RRAS2: variants seen among roughly 807,000 people sequenced by gnomAD.
RRAS2 encodes the protein ras-related protein R-Ras2.
RRAS2 carries 7 observed loss-of-function variants against 27.6 expected under a neutral mutation model. The ratio of observed to expected loss-of-function variants is 0.25; its 90% confidence interval spans 0.14 to 0.48. The LOEUF is 0.48. RRAS2 is among the 20% of genes least tolerant of loss of function. The pLI, the probability that RRAS2 is intolerant of heterozygous loss-of-function variation, is 0.99. For synonymous variants in RRAS2, 86 were observed against 90.9 expected (o/e 0.95, Z 0.31); for missense variants, 178 against 256.2 (o/e 0.69, Z 2.08).
chr11:14,343,651 C>T lies in RRAS2; in HGVS notation c.108+15112G>A, dbSNP rs562396581. On this transcript the variant is annotated intron_variant, in intron 1 of 5. Transcript: ENST00000256196. ...TTTGACAACAGCCTGGGCAGCACGG[C>T]GAAACCCCGTCTCTACCAAAAAAAA... Among the ~76,000 whole-genome samples the T allele has an allele frequency of 1.5e-4, 23 of 152,046 alleles. No individual in the cohort carries two copies. In the South Asian group the frequency reaches 4.0e-3, roughly 26 times the overall value.
At chr11:14,302,073 T>TACACACACGCACAC (rs1847723699) in intron 1 of RRAS2, among the ~76,000 whole-genome samples, 1 of 142,362 alleles carries the variant, frequency 7.0e-6, no homozygotes, top group East Asian at 2.1e-4. Context: ...ACCACACACA[T>TACACACACGCACAC]ACACACACAC....
At chr11:14,309,228 G>C (rs1319960848) in intron 1 of RRAS2, among the ~76,000 whole-genome samples, 6 of 152,108 alleles carry the variant, frequency 3.9e-5, no homozygotes, top group Admixed American at 3.9e-4. Context: ...CTAGAACAGA[G>C]AATGGTCTGT....
chr11:14,281,303 C>T (rs1309725880), intron 5 of RRAS2, among the ~76,000 whole-genome samples: 1 of 152,108 alleles, frequency 6.6e-6, no homozygotes, highest in Admixed American at 6.6e-5. Flanking sequence ...CACGTAAAAA[C>T]GTTTAGCACA....
At chr11:14,328,049 A>G (rs984411264) in intron 1 of RRAS2, among the ~76,000 whole-genome samples, 4 of 152,212 alleles carry the variant, frequency 2.6e-5, no homozygotes, top group African/African-American at 2.4e-5. Flanking sequence ...TAGTGCTTAC[A>G]AAGTACATAA....
chr11:14,292,924 G>C (rs1847442161), intron 4 of RRAS2, among the ~76,000 whole-genome samples: 1 of 151,448 alleles, frequency 6.6e-6, no homozygotes, highest in Non-Finnish European at 1.5e-5. Flanking sequence ...TGGCTAACAT[G>C]GTGAAACCCC....
chr11:14,347,785 A>T (rs1848869728), intron 1 of RRAS2, among the ~76,000 whole-genome samples: 1 of 152,114 alleles, frequency 6.6e-6, no homozygotes, highest in Non-Finnish European at 1.5e-5. Context: ...CCACTACACT[A>T]CAGCCTGACC....
At chr11:14,321,616 A>C (rs1554950295) in intron 1 of RRAS2, among the ~76,000 whole-genome samples, 1 of 152,184 alleles carries the variant, frequency 6.6e-6, no homozygotes, top group East Asian at 1.9e-4. Flanking sequence ...TTCTTAATAA[A>C]GGAAATACCA....
At chr11:14,313,525 G>A (rs1465617418) in intron 1 of RRAS2, among the ~76,000 whole-genome samples, 8 of 152,180 alleles carry the variant, frequency 5.3e-5, no homozygotes, top group African/African-American at 1.4e-4. Context: ...GAATATGACC[G>A]TATTTGGAAA....
At chr11:14,337,310 T>G (rs551649128) in intron 1 of RRAS2, 1 of 152,326 alleles carries the variant, frequency 6.6e-6, no homozygotes, top group African/African-American at 2.4e-5. Flanking sequence ...CCGTTAGTCA[T>G]CAACACTGAC....
intron 1 of RRAS2, among the ~76,000 whole-genome samples, chr11:14,336,816 AAGT>A (rs1176135004): frequency 6.6e-6 from 1 of 152,220 alleles, no homozygotes; most frequent in Admixed American, 6.5e-5. Flanking sequence ...AGAGCTGAAA[AAGT>A]ACATGAAATA....
chr11:14,342,513 A>G (rs1848734746), intron 1 of RRAS2, among the ~76,000 whole-genome samples: 1 of 152,244 alleles, frequency 6.6e-6, no homozygotes. Context: ...ATTAAAAAAC[A>G]AAACTTGAAA....
At chr11:14,306,806 C>T (rs1847840523) in intron 1 of RRAS2, among the ~76,000 whole-genome samples, 1 of 151,374 alleles carries the variant, frequency 6.6e-6, no homozygotes, top group Non-Finnish European at 1.5e-5. Context: ...GCATAGTTCA[C>T]TTGTCCCAGT....
chr11:14,319,046 C>T (rs552928855), intron 1 of RRAS2, among the ~76,000 whole-genome samples: 5 of 152,206 alleles, frequency 3.3e-5, no homozygotes, highest in Admixed American at 6.5e-5. Context: ...TGCCCAGTCA[C>T]GAGGCTAGTA....
At chr11:14,340,749 A>G (rs1484036854) in intron 1 of RRAS2, among the ~76,000 whole-genome samples, 5 of 152,194 alleles carry the variant, frequency 3.3e-5, no homozygotes, top group Non-Finnish European at 7.3e-5. Context: ...CAAAAAGGAT[A>G]TAATCCAAAC....
intron 1 of RRAS2, chr11:14,364,269 G>C: frequency 5.6e-6 from 5 of 898,004 alleles, no homozygotes; most frequent in Middle Eastern, 2.4e-4. Context: ...TCTGAGGGTA[G>C]AGTGGAGAGG....
At chr11:14,321,931 C>G (rs1424385404) in intron 1 of RRAS2, among the ~76,000 whole-genome samples, 1 of 152,080 alleles carries the variant, frequency 6.6e-6, no homozygotes, top group African/African-American at 2.4e-5. Context: ...TTATAATTAA[C>G]TACAATTGAA....
intron 1 of RRAS2, among the ~76,000 whole-genome samples, chr11:14,304,594 T>C (rs1016896588): frequency 6.6e-6 from 1 of 152,204 alleles, no homozygotes; most frequent in Non-Finnish European, 1.5e-5. Flanking sequence ...ATGCTCAAGG[T>C]TTTTAAAACT....
intron 1 of RRAS2, among the ~76,000 whole-genome samples, chr11:14,344,662 A>C (rs1177461806): frequency 6.6e-6 from 1 of 152,240 alleles, no homozygotes; most frequent in Non-Finnish European, 1.5e-5. Context: ...GAGAAAATTC[A>C]TCAGGAAATA....
intron 1 of RRAS2, among the ~76,000 whole-genome samples, chr11:14,327,297 T>C (rs1297951910): frequency 2.0e-5 from 3 of 152,166 alleles, no homozygotes; most frequent in Non-Finnish European, 2.9e-5. Flanking sequence ...TAAAAATAGC[T>C]GAAGAGAGGA....
Sources: allele counts gnomAD v4.1 joint callset (sites outside exome capture counted in the v4.1 genomes callset), GRCh38; gene constraint gnomAD v4.1.1; transcripts MANE v1.5; gene names NCBI Gene and HGNC (gene_info 2026-07-23, HGNC 2026-07-21).